The following WDR91 variants were observed in gnomAD, a reference collection of about 807,000 sequenced individuals.
The protein encoded by WDR91 is WD repeat-containing protein 91.
A neutral mutation model predicts 88.4 loss-of-function variants in WDR91; 52 were observed. The observed-to-expected ratio is 0.59, with a 90% CI of 0.47 to 0.74. The LOEUF (loss-of-function observed/expected upper bound fraction) is 0.74, where lower values mean the gene tolerates loss of function less well. WDR91 is among the 30% of genes least tolerant of loss of function. The probability of loss-of-function intolerance (pLI) is 0.00; values close to 1 mark genes in which losing one functional copy is unlikely to be tolerated. For missense variants in WDR91, 824 were observed against 954.5 expected (o/e 0.86, Z 1.80); for synonymous variants, 362 against 389.5 (o/e 0.93, Z 0.83).
At position 135,204,000 on chromosome 7, in the gene WDR91, T is replaced by C. The variant is rs1201217355; in HGVS notation, c.891+268A>G. On this transcript the variant is annotated intron_variant, in intron 6 of 14. Transcript: ENST00000354475. Reference sequence around the variant, plus strand: ...AGATGAAGCGGGGAGCCAGAATGCATTCGGTGGATTTTCCTCCTCCTCCTC... The same window carrying C: ...AGATGAAGCGGGGAGCCAGAATGCACTCGGTGGATTTTCCTCCTCCTCCTC... Among the ~76,000 whole-genome samples, 5 of 152,242 alleles carry C rather than the reference T, an allele frequency of 3.3e-5. 1 individual carries two copies. In the South Asian group the frequency reaches 1.0e-3, roughly 32 times the overall value.
At position 135,188,523 on chromosome 7, in the gene WDR91, C is replaced by T. The variant is rs560210144; in HGVS notation, c.1791G>A (p.Ala597=). The T allele has an allele frequency of 1.7e-5, 27 of 1,613,762 alleles. No individual in the cohort carries two copies. In the South Asian group the frequency reaches 2.7e-4, roughly 16 times the overall value. Residue 597 remains alanine, a synonymous_variant, in exon 13 of 15, where the codon GCG becomes GCA. Coordinates refer to ENST00000354475, the MANE Select transcript of WDR91 (RefSeq NM_014149.4). ...RLFDMQQHEC[A]MSWRAHYGEV... The stretch of plus-strand genomic sequence containing the variant: ...CCCCGTAGTGGGCCCTCCAGCTCAT[C>T]GCGCACTCATGCTGCTGCATGTCTG...
intron 6 of WDR91, chr7:135,202,126 C>A (rs1831596973): frequency 6.6e-6 from 1 of 152,224 alleles, no homozygotes; most frequent in Admixed American, 6.5e-5. Flanking sequence ...AAAGAAGTTT[C>A]TTCTAATAGC....
chr7:135,194,628 T>C (rs1349360358), intron 9 of WDR91, among the ~76,000 whole-genome samples: 1 of 152,002 alleles, frequency 6.6e-6, no homozygotes, highest in East Asian at 1.9e-4. Flanking sequence ...AAACTGCAGC[T>C]GGAAACACAG....
At chr7:135,208,696 T>C in intron 3 of WDR91, 95 bp downstream of exon 3, 1 of 1,176,744 alleles carries the variant, frequency 8.5e-7, no homozygotes, top group Non-Finnish European at 1.2e-6. Flanking sequence ...GGCATTTTTG[T>C]AGAAGAAATG....
chr7:135,187,578 A>G (rs970261818), intron 13 of WDR91, among the ~76,000 whole-genome samples: 5 of 152,152 alleles, frequency 3.3e-5, no homozygotes, highest in African/African-American at 7.2e-5. Flanking sequence ...TTAGACCCCA[A>G]CTAGATTTTT....
chr7:135,196,031 G>A lies in WDR91; in HGVS notation c.1244+113C>T, dbSNP rs1831351956. 1 of 1,062,826 alleles carries A rather than the reference G, an allele frequency of 9.4e-7. No individual in the cohort carries two copies. The highest frequency in any genetic ancestry group is 1.3e-6 in the Non-Finnish European group (1 of 759,966). The allele number at this position is 1,062,826 out of a possible 1,614,324, so 65.8% of individuals were successfully genotyped here. ...CTCCCATGACTCTACTGCCATGACTGTGGCCCTCGTCCAAGCCCCCATTCT... is the reference window on the plus strand; with the variant it reads ...CTCCCATGACTCTACTGCCATGACTATGGCCCTCGTCCAAGCCCCCATTCT... On this transcript the variant is annotated intron_variant, in intron 8 of 14. Transcript: ENST00000354475. This position sits in a 1 kb window ranked among gnomAD's most constrained non-coding sequence, Gnocchi z 4.2.
At chr7:135,192,269 C>T (rs1831198228) in intron 11 of WDR91, among the ~76,000 whole-genome samples, 1 of 152,036 alleles carries the variant, frequency 6.6e-6, no homozygotes, top group African/African-American at 2.4e-5. Context: ...AAGTGAGCAC[C>T]ACCACACCTG....
intron 6 of WDR91, 158 bp from the exon 7 acceptor site, chr7:135,198,309 C>A: frequency 1.3e-6 from 1 of 778,040 alleles, no homozygotes; most frequent in Non-Finnish European, 2.0e-6. Flanking sequence ...TCATAGTCAG[C>A]CCCTGCTATG....
intron 1 of WDR91, among the ~76,000 whole-genome samples, chr7:135,210,230 A>T (rs1279939644): frequency 1.3e-5 from 2 of 152,162 alleles, no homozygotes; most frequent in African/African-American, 2.4e-5. Context: ...CGCGCCTGTA[A>T]TCCCAGCTAC....
At position 135,184,166 on chromosome 7, in the gene WDR91, T is replaced by C. The variant is rs900454033; in HGVS notation, c.*1985A>G. 1.3e-5 allele frequency: 2 copies of C among 152,130 alleles called. No individual in the cohort carries two copies. Among genetic ancestry groups the C allele is most frequent in the Non-Finnish European group, 2.9e-5 (2 of 68,016 alleles). 9.4% of individuals were successfully genotyped at this position (152,130 alleles called of 1,614,324 possible). A position where few individuals can be genotyped will look rare whatever the true frequency, so the allele number is the denominator to read the frequency against. On this transcript the variant is annotated 3_prime_UTR_variant, in exon 15 of 15. Transcript: ENST00000354475. ...TGGTTTTCTTCATTTGCAGGGAGGATTACCAGGGTAGAAATGGGTAAAAAT... is the reference window on the plus strand; with the variant it reads ...TGGTTTTCTTCATTTGCAGGGAGGACTACCAGGGTAGAAATGGGTAAAAAT...
chr7:135,209,064 T>A, intron 2 of WDR91, 66 bp from the exon 3 acceptor site: 2 of 1,421,460 alleles, frequency 1.4e-6, no homozygotes, highest in African/African-American at 2.8e-5. Flanking sequence ...AGACTCTTCA[T>A]CATTGCACAG....
chr7:135,190,415 T>C (rs1831121104), intron 11 of WDR91, among the ~76,000 whole-genome samples: 1 of 151,518 alleles, frequency 6.6e-6, no homozygotes, highest in Non-Finnish European at 1.5e-5. Flanking sequence ...TCCAAAGAAA[T>C]GCACCTCCAA....
At chr7:135,207,921 T>C (rs993013650) in intron 3 of WDR91, among the ~76,000 whole-genome samples, 1 of 152,114 alleles carries the variant, frequency 6.6e-6, no homozygotes, top group African/African-American at 2.4e-5. Flanking sequence ...CAAAGTTAAC[T>C]GGAGAGCCCT....
Position 135,196,414 on chromosome 7 carries a change from G to T in WDR91, c.1051-77C>A. ...AGGGTGTACACCGCAGGGGGTCTAG[G>T]CCTAGGCTGCAGCATTTTGCGGGGT... On this transcript the variant is annotated intron_variant, in intron 7 of 14. Coordinates refer to ENST00000354475, the MANE Select transcript of WDR91 (RefSeq NM_014149.4). This position sits in a 1 kb window ranked among gnomAD's most constrained non-coding sequence, Gnocchi z 4.2. 2 of 1,353,436 alleles carry T rather than the reference G, an allele frequency of 1.5e-6. No individual in the cohort carries two copies. The highest frequency in any genetic ancestry group is 2.0e-6 in the Non-Finnish European group (2 of 1,024,886). 83.8% of individuals were successfully genotyped at this position (1,353,436 alleles called of 1,614,324 possible). A position where few individuals can be genotyped will look rare whatever the true frequency, so the allele number is the denominator to read the frequency against.
chr7:135,211,159 C>T lies in WDR91; in HGVS notation c.123+221G>A, dbSNP rs1316120577. Among the ~76,000 whole-genome samples the T allele has an allele frequency of 1.3e-5, 2 of 152,218 alleles. 1 individual carries two copies. The highest frequency in any genetic ancestry group is 1.3e-4 in the Admixed American group (2 of 15,284). On this transcript the variant is annotated intron_variant, in intron 1 of 14. Coordinates refer to ENST00000354475, the MANE Select transcript of WDR91 (RefSeq NM_014149.4). ...GGAGCCGGGGCATCGGGGCTCCAGCCTCGGCGATGCTCCTGACTCGGGGGG... is the reference window on the plus strand; with the variant it reads ...GGAGCCGGGGCATCGGGGCTCCAGCTTCGGCGATGCTCCTGACTCGGGGGG...
chr7:135,206,329 A>C (rs1791379266), intron 4 of WDR91, among the ~76,000 whole-genome samples: 1 of 152,218 alleles, frequency 6.6e-6, no homozygotes, highest in South Asian at 2.1e-4. Flanking sequence ...TTCACTGAGA[A>C]AAATAGCTCC....
intron 6 of WDR91, chr7:135,198,677 T>A (rs1178005913): frequency 6.6e-6 from 1 of 152,312 alleles, no homozygotes; most frequent in African/African-American, 2.4e-5. Flanking sequence ...AAATGATTAC[T>A]AGAAAACCAG....
intron 1 of WDR91, among the ~76,000 whole-genome samples, chr7:135,210,462 A>G (rs1213296524): frequency 6.6e-6 from 1 of 152,218 alleles, no homozygotes; most frequent in Non-Finnish European, 1.5e-5. Flanking sequence ...CAATTCCCAG[A>G]TCCCAAGGAT....
rs1383730604 is a variant in WDR91, at chr7:135,209,650, C to A, written c.229G>T (p.Glu77Ter). 1.2e-6 allele frequency: 2 copies of A among 1,613,440 alleles called. No homozygotes were observed. Among genetic ancestry groups the A allele is most frequent in the Non-Finnish European group, 1.7e-6 (2 of 1,179,756 alleles). Reference sequence around the variant, plus strand: ...TGGATTGTGGGTCTGTATATATCCTCCAAGCGGCTGAAGAGCCGACGCTCC... The same window carrying A: ...TGGATTGTGGGTCTGTATATATCCTACAAGCGGCTGAAGAGCCGACGCTCC... ...YLERRLFSRL[E>*]DIYRPTIHKL... Residue 77 changes from glutamate to a stop codon, truncating the protein, a stop_gained, in exon 2 of 15, where the codon GAG becomes TAG. Transcript: ENST00000354475. LOFTEE classifies it high-confidence loss of function.
Sources: gnomAD v4.1 joint callset for allele counts (sites outside exome capture counted in the v4.1 genomes callset) on GRCh38, gnomAD v4.1.1 for gene constraint, Gnocchi (gnomAD v3.1) non-coding constraint, MANE v1.5 for transcripts, NCBI Gene and HGNC (gene_info 2026-07-23, HGNC 2026-07-21) for gene names.